Variants in DGKB observed in about 807,000 individuals in gnomAD.
DGKB encodes 90 kDa diacylglycerol kinase.
A neutral mutation model predicts 114.3 loss-of-function variants in DGKB; 67 were observed. The ratio of observed to expected loss-of-function variants is 0.59; its 90% CI spans 0.48 to 0.72. The LOEUF (loss-of-function observed/expected upper bound fraction) is 0.72, where lower values mean the gene tolerates loss of function less well. Among genes scored for constraint, DGKB ranks in the 30% least tolerant of loss-of-function variants. The pLI is 0.00. For synonymous variants in DGKB, 398 were observed against 323.1 expected (o/e 1.23, Z -2.49); for missense variants, 907 against 975.2 (o/e 0.93, Z 0.93).
rs957736466 is a variant in DGKB, at chr7:14,839,849, C to G, written c.70+1345G>C. Among the ~76,000 whole-genome samples the G allele has an allele frequency of 2.0e-5, 3 of 150,610 alleles. No individual in the cohort carries two copies. The South Asian group carries it at 6.2e-4, about 31-fold the overall frequency. ...GACTTTTTTTAGTTTTTTAAAATGC[C>G]TATGAAATTATAGATTTGGAACTTC... is the stretch of plus-strand genomic sequence containing the variant. On this transcript the variant is annotated intron_variant, in intron 2 of 25. Transcript: ENST00000402815.
chr7:14,485,099 CA>C (rs1783581038), intron 20 of DGKB, among the ~76,000 whole-genome samples: 1 of 1,176 alleles, frequency 8.5e-4, no homozygotes, highest in Non-Finnish European at 3.9e-3. Context: ...ACACACACCA[CA>C]CACACACACA....
At chr7:14,290,802 A>G (rs1801638315) in intron 23 of DGKB, among the ~76,000 whole-genome samples, 1 of 152,138 alleles carries the variant, frequency 6.6e-6, no homozygotes, top group Admixed American at 6.6e-5. Flanking sequence ...CAGGCACCAT[A>G]TATTCTGAGA....
chr7:14,490,979 A>G lies in DGKB; in HGVS notation c.1771-12754T>C, dbSNP rs1372992954. ...TTTTTTTTTAATGCAGAAACAGGAGAGATGCTAATGTTTGCCCTTTAGAAA... is the reference window on the plus strand; with the variant it reads ...TTTTTTTTTAATGCAGAAACAGGAGGGATGCTAATGTTTGCCCTTTAGAAA... On this transcript the variant is annotated intron_variant, in intron 20 of 25. Coordinates refer to ENST00000402815, the MANE Select transcript of DGKB (RefSeq NM_001350709.2). Among the ~76,000 whole-genome samples, 3 of 151,512 alleles carry G rather than the reference A, an allele frequency of 2.0e-5. No individual in the cohort carries two copies. In the South Asian group the frequency reaches 6.2e-4, roughly 31 times the overall value.
rs1256128781 is a variant in DGKB, at chr7:14,768,912, T to A, written c.71-11181A>T. Among the ~76,000 whole-genome samples the A allele has an allele frequency of 2.0e-5, 3 of 151,920 alleles. No homozygotes were observed. In the East Asian group the frequency reaches 5.8e-4, roughly 29 times the overall value. On this transcript the variant is annotated intron_variant, in intron 2 of 25. Transcript: ENST00000402815. ...GGAACATTTGTTATAACAAACTTTG[T>A]CATAATTTGCTATCAAATTAAAAAA...
In DGKB at chr7:14,705,792, C is replaced by T. The variant is rs571737470; in HGVS notation, c.467-4062G>A. On this transcript the variant is annotated intron_variant, in intron 6 of 25. Transcript: ENST00000402815. ...AGAGATTTTGTCACCACCAGACCTG[C>T]CCTAAAAGAGCTCCTGAAGGAAGCG... 5.9e-5 allele frequency among the ~76,000 whole-genome samples: 9 copies of T among 151,908 alleles called. No homozygotes were observed. The South Asian group carries it at 1.5e-3, about 25-fold the overall frequency.
At chr7:14,396,394 A>G (rs891809569) in intron 21 of DGKB, among the ~76,000 whole-genome samples, 4 of 152,172 alleles carry the variant, frequency 2.6e-5, no homozygotes, top group African/African-American at 9.6e-5. Context: ...CTAACAGATT[A>G]TATTTTCTAC....
At chr7:14,971,086 G>C (rs940333677) in intron 1 of DGKB, among the ~76,000 whole-genome samples, 8 of 152,142 alleles carry the variant, frequency 5.3e-5, no homozygotes, top group African/African-American at 1.7e-4. Flanking sequence ...AACTAAGTCA[G>C]AGTTCTCTTC....
intron 6 of DGKB, among the ~76,000 whole-genome samples, chr7:14,715,963 C>G (rs1459201513): frequency 3.3e-5 from 5 of 152,036 alleles, no homozygotes; most frequent in South Asian, 2.1e-4. Flanking sequence ...GTGTAAATAC[C>G]TGGCAGAAAA....
intron 23 of DGKB, among the ~76,000 whole-genome samples, chr7:14,227,224 A>G (rs559058528): frequency 1.3e-5 from 2 of 152,178 alleles, no homozygotes; most frequent in South Asian, 4.1e-4. Context: ...ACTTTTGTTC[A>G]AAAAATTTCA....
intron 21 of DGKB, among the ~76,000 whole-genome samples, chr7:14,475,378 G>A (rs1782014415): frequency 6.6e-6 from 1 of 152,094 alleles, no homozygotes; most frequent in Admixed American, 6.6e-5. Flanking sequence ...ATCAGAAAAT[G>A]TTCATATCCT....
rs182698112 is a variant in DGKB at position 14,476,778 on chromosome 7, G to A, written c.1835+1383C>T. On this transcript the variant is annotated intron_variant, in intron 21 of 25. Coordinates refer to ENST00000402815, the MANE Select transcript of DGKB (RefSeq NM_001350709.2). ...ACATTTTTTTTTTTTTTTTTGAGAC[G>A]GAATCTCACTCTGTTGCCCAGGCTG... 1.6e-3 allele frequency among the ~76,000 whole-genome samples: 231 copies of A among 144,644 alleles called. 1 individual carries two copies. The highest frequency in any genetic ancestry group is 2.2e-3 in the Non-Finnish European group (150 of 66,858). 94.9% of individuals were successfully genotyped at this position (144,644 alleles called of 152,430 possible). A position where few individuals can be genotyped will look rare whatever the true frequency, so the allele number is the denominator to read the frequency against.
intron 25 of DGKB, among the ~76,000 whole-genome samples, chr7:14,168,319 AATACATAAAGTGCTT>A (rs1784901259): frequency 6.6e-6 from 1 of 152,232 alleles, no homozygotes. Flanking sequence ...TCTATGAGAC[AATACATAAAGTGCTT>A]AACACACGTC....
chr7:14,681,960 A>G (rs1026262599), intron 12 of DGKB, among the ~76,000 whole-genome samples: 6 of 152,122 alleles, frequency 3.9e-5, no homozygotes, highest in African/African-American at 1.2e-4. Context: ...TGTTGGAAGA[A>G]GCGTAAGATG....
intron 21 of DGKB, among the ~76,000 whole-genome samples, chr7:14,355,078 G>C (rs1361624166): frequency 6.6e-6 from 1 of 152,088 alleles, no homozygotes; most frequent in Non-Finnish European, 1.5e-5. Flanking sequence ...AATAGCAGAA[G>C]AATTGCTTGT....
rs546329002 is a variant in DGKB, at chr7:14,955,294, C to A, written c.-188+19402G>T. Among the ~76,000 whole-genome samples the A allele has an allele frequency of 1.2e-3, 187 of 152,108 alleles. 1 individual carries two copies. The highest frequency in any genetic ancestry group is 4.4e-3 in the African/African-American group (183 of 41,546). On this transcript the variant is annotated intron_variant, in intron 1 of 4. Transcript: ENST00000437998. The stretch of plus-strand genomic sequence containing the variant: ...AGAGAAGAAATAAAATGTGTGTGAA[C>A]AATTCTTGCCAAAATTAGTGCTTCT...
intron 21 of DGKB, among the ~76,000 whole-genome samples, chr7:14,392,084 G>A (rs1221510295): frequency 1.3e-5 from 2 of 152,054 alleles, no homozygotes; most frequent in African/African-American, 4.8e-5. Flanking sequence ...ATCAGGTTAT[G>A]TCTGCATAAC....
chr7:14,351,837 A>G (rs1322182997), intron 21 of DGKB, among the ~76,000 whole-genome samples: 3 of 152,228 alleles, frequency 2.0e-5, no homozygotes, highest in Non-Finnish European at 4.4e-5. Context: ...CACATGTTAT[A>G]GAAAGAACTC....
intron 23 of DGKB, among the ~76,000 whole-genome samples, chr7:14,206,017 ATTAAT>A (rs1469112500): frequency 6.6e-6 from 1 of 152,052 alleles, no homozygotes; most frequent in African/African-American, 2.4e-5. Context: ...CTAGTTGATA[ATTAAT>A]TTAATAATGC....
chr7:14,951,008 T>C (rs560015224), intron 1 of DGKB, among the ~76,000 whole-genome samples: 105 of 152,112 alleles, frequency 6.9e-4, no homozygotes, highest in African/African-American at 2.3e-3. Context: ...ATCATGTCAA[T>C]AGACACAGTA....
Sources: gnomAD v4.1 joint callset for allele counts (sites outside exome capture counted in the v4.1 genomes callset) on GRCh38, gnomAD v4.1.1 for gene constraint, MANE v1.5 for transcripts, NCBI Gene and HGNC (gene_info 2026-07-23, HGNC 2026-07-21) for gene names.